HES1: variants seen among roughly 807,000 people sequenced by gnomAD.
HES1 encodes the protein transcription factor HES-1.
HES1 carries 7 observed loss-of-function variants against 21.0 expected under a neutral mutation model. That is an observed-to-expected ratio of 0.33 (90% CI 0.19 to 0.63). The LOEUF (loss-of-function observed/expected upper bound fraction) is 0.63. Ranked by LOEUF, HES1 falls within the 20% of genes least tolerant of loss-of-function variation. The pLI, the probability that HES1 is intolerant of heterozygous loss-of-function variation, is 0.78. For synonymous variants in HES1, 169 were observed against 171.2 expected, an observed-to-expected ratio of 0.99 and a Z score of 0.10; for missense variants, 338 against 389.8, an observed-to-expected ratio of 0.87 and a Z score of 1.12.
chr3:194,137,544 C>T lies in HES1; in HGVS notation c.293-139C>T, dbSNP rs1246693570. 8 of 876,782 alleles carry T rather than the reference C, an allele frequency of 9.1e-6. No individual in the cohort carries two copies. Among genetic ancestry groups the T allele is most frequent in the East Asian group, 8.5e-5 (3 of 35,362 alleles). 54.3% of individuals were successfully genotyped at this position (876,782 alleles called of 1,614,324 possible). A position where few individuals can be genotyped will look rare whatever the true frequency, so the allele number is the denominator to read the frequency against. On this transcript the variant is annotated intron_variant, in intron 3 of 3. Coordinates refer to ENST00000232424, the MANE Select transcript of HES1 (RefSeq NM_005524.4). This position sits in a 1 kb window ranked among gnomAD's most constrained non-coding sequence, Gnocchi z 5.4. ...GGAGAGGTGGCTGGTTTTTTCTAAA[C>T]CCATCTCACCCTCCCTGCCGGAGGC...
Position 194,137,240 on chromosome 3 carries a change from G to A in HES1, c.292+192G>A, listed in dbSNP as rs1167941513. 3.2e-6 allele frequency: 2 copies of A among 633,154 alleles called. No individual in the cohort carries two copies. Among genetic ancestry groups the A allele is most frequent in the Admixed American group, 5.5e-5 (2 of 36,390 alleles). 39.2% of individuals were successfully genotyped at this position (633,154 alleles called of 1,614,324 possible). On this transcript the variant is annotated intron_variant, in intron 3 of 3. Coordinates refer to ENST00000232424, the MANE Select transcript of HES1 (RefSeq NM_005524.4). The surrounding 1 kb of genome is among the most constrained non-coding windows in gnomAD (Gnocchi z 5.4). ...GTTGTTACTGTTCCGGAAAGGGAGG[G>A]AAAGAGGTTGCAGCCGCGAGGGTGG...
chr3:194,137,979 C>A lies in HES1; in HGVS notation c.589C>A (p.Pro197Thr). Residue 197 changes from proline (P) to threonine (T), a missense_variant, in exon 4 of 4, where the codon CCT (proline) becomes ACT (threonine). Coordinates refer to ENST00000232424, the MANE Select transcript of HES1 (RefSeq NM_005524.4). This position sits in a 1 kb window ranked among gnomAD's most constrained non-coding sequence, Gnocchi z 5.4. ...GCCCATCCCCGGGGGCGCGGCGCCCCCTCCCGGCGGCGCCCCCTGCAAGCT... is the reference window on the plus strand; with the variant it reads ...GCCCATCCCCGGGGGCGCGGCGCCCACTCCCGGCGGCGCCCCCTGCAAGCT... ...LVPIPGGAAP[P>T]PGGAPCKLGS... The A allele has an allele frequency of 7.1e-7, 1 of 1,409,870 alleles. No individual in the cohort carries two copies. The highest frequency in any genetic ancestry group is 1.8e-5 in the South Asian group (1 of 55,354). 87.3% of individuals were successfully genotyped at this position (1,409,870 alleles called of 1,614,324 possible).
chr3:194,137,187 TGGGG>T lies in HES1; in HGVS notation c.292+140_292+143del, dbSNP rs1715365269. 5 of 709,218 alleles carry T rather than the reference TGGGG, an allele frequency of 7.1e-6. No individual in the cohort carries two copies. Among genetic ancestry groups the T allele is most frequent in the Non-Finnish European group, 7.4e-6 (3 of 402,872 alleles). The allele number at this position is 709,218 out of a possible 1,614,324, so 43.9% of individuals were successfully genotyped here. ...GGCTCACTCTTGCGTTCCCACGGTCTGGGGCTTATTTATAGCCACAACTCCAAGT... is the reference window on the plus strand; with the variant it reads ...GGCTCACTCTTGCGTTCCCACGGTCTCTTATTTATAGCCACAACTCCAAGT... On this transcript the variant is annotated intron_variant, in intron 3 of 3. Coordinates refer to ENST00000232424, the MANE Select transcript of HES1 (RefSeq NM_005524.4). The surrounding 1 kb of genome is among the most constrained non-coding windows in gnomAD (Gnocchi z 5.4).
At position 194,137,149 on chromosome 3, in the gene HES1, AT is replaced by A. The variant is rs1161290321; in HGVS notation, c.292+105del. On this transcript the variant is annotated intron_variant, in intron 3 of 3. Transcript: ENST00000232424. The surrounding 1 kb of genome is among the most constrained non-coding windows in gnomAD (Gnocchi z 5.4). ...GTGGTTGTGAGAGGCATTCAGCTAC[AT>A]TTTACTGCCTTGGCTCACTCTTGCG... 2 of 958,304 alleles carry A rather than the reference AT, an allele frequency of 2.1e-6. No homozygotes were observed. 59.4% of individuals were successfully genotyped at this position (958,304 alleles called of 1,614,324 possible).
rs77484716 is a variant in HES1, at chr3:194,137,367, G to A, written c.293-316G>A. ...AGCACTCCTTCCCGTTGCAGAAGGG[G>A]AAATGAGGCTTGGATGATGGATTGG... is the stretch of plus-strand genomic sequence containing the variant. On this transcript the variant is annotated intron_variant, in intron 3 of 3. Coordinates refer to ENST00000232424, the MANE Select transcript of HES1 (RefSeq NM_005524.4). The surrounding 1 kb of genome is among the most constrained non-coding windows in gnomAD (Gnocchi z 5.4). 0.022 allele frequency: 12,559 copies of A among 571,532 alleles called. 519 individuals carry two copies. Among genetic ancestry groups the A allele is most frequent in the East Asian group, 0.16 (5,328 of 34,070 alleles). The allele number at this position is 571,532 out of a possible 1,614,324, so 35.4% of individuals were successfully genotyped here.
rs1402833055 is a variant in HES1 at position 194,138,311 on chromosome 3, A to C, written c.*78A>C. On this transcript the variant is annotated 3_prime_UTR_variant, in exon 4 of 4. Transcript: ENST00000232424. Reference sequence around the variant, plus strand: ...CCGGACTCTAAACAGGAACTTGAATACTGGGAGAGAAGAGGACTTTTTTGA... The same window carrying C: ...CCGGACTCTAAACAGGAACTTGAATCCTGGGAGAGAAGAGGACTTTTTTGA... 3.0e-6 allele frequency: 4 copies of C among 1,353,688 alleles called. No homozygotes were observed. The highest frequency in any genetic ancestry group is 1.7e-5 in the South Asian group (1 of 60,062). 83.9% of individuals were successfully genotyped at this position (1,353,688 alleles called of 1,614,324 possible).
In HES1 at chr3:194,137,164, C is replaced by A; in HGVS notation, c.292+116C>A. On this transcript the variant is annotated intron_variant, in intron 3 of 3. Transcript: ENST00000232424. This position sits in a 1 kb window ranked among gnomAD's most constrained non-coding sequence, Gnocchi z 5.4. The stretch of plus-strand genomic sequence containing the variant: ...ATTCAGCTACATTTTACTGCCTTGG[C>A]TCACTCTTGCGTTCCCACGGTCTGG... 1 of 833,250 alleles carries A rather than the reference C, an allele frequency of 1.2e-6. No homozygotes were observed. Among genetic ancestry groups the A allele is most frequent in the Non-Finnish European group, 2.0e-6 (1 of 492,366 alleles). 51.6% of individuals were successfully genotyped at this position (833,250 alleles called of 1,614,324 possible).
At position 194,137,522 on chromosome 3, in the gene HES1, G is replaced by A. The variant is rs369747562; in HGVS notation, c.293-161G>A. On this transcript the variant is annotated intron_variant, in intron 3 of 3. Coordinates refer to ENST00000232424, the MANE Select transcript of HES1 (RefSeq NM_005524.4). This position sits in a 1 kb window ranked among gnomAD's most constrained non-coding sequence, Gnocchi z 5.4. ...CTTTTGGCAGCAACGCTAGTGTGGA[G>A]AGGTGGCTGGTTTTTTCTAAACCCA... Among the ~76,000 whole-genome samples the A allele has an allele frequency of 2.3e-4, 35 of 152,302 alleles. 1 individual carries two copies. The highest frequency in any genetic ancestry group is 1.2e-3 in the East Asian group (6 of 5,180).
At chr3:194,136,899 C>T (rs767825545) in intron 2 of HES1, 62 bp from the exon 3 acceptor site, 1 of 1,510,502 alleles carries the variant, frequency 6.6e-7, no homozygotes, top group Non-Finnish European at 9.2e-7. Context: ...GGAGGAGGGA[C>T]CCCCAGCACT....
In HES1 at chr3:194,138,303, A is replaced by T; in HGVS notation, c.*70A>T. The T allele has an allele frequency of 7.3e-7, 1 of 1,379,232 alleles. No individual in the cohort carries two copies. The highest frequency in any genetic ancestry group is 9.5e-7 in the Non-Finnish European group (1 of 1,056,396). 85.4% of individuals were successfully genotyped at this position (1,379,232 alleles called of 1,614,324 possible). A position where few individuals can be genotyped will look rare whatever the true frequency, so the allele number is the denominator to read the frequency against. ...TCTTCCCTCCGGACTCTAAACAGGA[A>T]CTTGAATACTGGGAGAGAAGAGGAC... is the stretch of plus-strand genomic sequence containing the variant. On this transcript the variant is annotated 3_prime_UTR_variant, in exon 4 of 4. Coordinates refer to ENST00000232424, the MANE Select transcript of HES1 (RefSeq NM_005524.4).
Position 194,138,186 on chromosome 3 carries a change from G to A in HES1, c.796G>A (p.Gly266Ser). Residue 266 changes from glycine (G) to serine (S), a missense_variant, in exon 4 of 4, where the codon GGC becomes AGC. By Grantham distance (56) the Gly-to-Ser change is moderately conservative (BLOSUM62 0). Coordinates refer to ENST00000232424, the MANE Select transcript of HES1 (RefSeq NM_005524.4). ...CCCCAACGCAGTGTCACCTTCCAGC[G>A]GCCCCTCGCTTACGGCGGACTCCAT... ...VGPNAVSPSS[G>S]PSLTADSMWR... is the part of the protein sequence containing the mutation. 2 of 1,601,046 alleles carry A rather than the reference G, an allele frequency of 1.2e-6. No homozygotes were observed. The highest frequency in any genetic ancestry group is 1.7e-6 in the Non-Finnish European group (2 of 1,174,462).
chr3:194,137,419 C>G lies in HES1; in HGVS notation c.293-264C>G. ...AGGCATTGTCCAAGGTCACATCGCGCGCGGGGGTGGGGGTGACAGATCTGG... is the reference window on the plus strand; with the variant it reads ...AGGCATTGTCCAAGGTCACATCGCGGGCGGGGGTGGGGGTGACAGATCTGG... On this transcript the variant is annotated intron_variant, in intron 3 of 3. Transcript: ENST00000232424. The surrounding 1 kb of genome is among the most constrained non-coding windows in gnomAD (Gnocchi z 5.4). 2 of 554,520 alleles carry G rather than the reference C, an allele frequency of 3.6e-6. No individual in the cohort carries two copies. The highest frequency in any genetic ancestry group is 3.2e-5 in the Admixed American group (1 of 31,004). 34.3% of individuals were successfully genotyped at this position (554,520 alleles called of 1,614,324 possible).
chr3:194,136,279 T>C lies in HES1; in HGVS notation c.-102T>C, dbSNP rs1322689809. 4 of 703,340 alleles carry C rather than the reference T, an allele frequency of 5.7e-6. No homozygotes were observed. In the Admixed American group the frequency reaches 8.6e-5, roughly 15 times the overall value. 43.6% of individuals were successfully genotyped at this position (703,340 alleles called of 1,614,324 possible). A position where few individuals can be genotyped will look rare whatever the true frequency, so the allele number is the denominator to read the frequency against. On this transcript the variant is annotated 5_prime_UTR_variant, in exon 1 of 4. Coordinates refer to ENST00000232424, the MANE Select transcript of HES1 (RefSeq NM_005524.4). ...AACCCTCAGCACTTGCTCAGTAGTTTTGTGAAAGTCTCAAGTAAAAGAGAC... is the reference window on the plus strand; with the variant it reads ...AACCCTCAGCACTTGCTCAGTAGTTCTGTGAAAGTCTCAAGTAAAAGAGAC...
In HES1 at chr3:194,137,432, G is replaced by C. The variant is rs376058357; in HGVS notation, c.293-251G>C. On this transcript the variant is annotated intron_variant, in intron 3 of 3. Coordinates refer to ENST00000232424, the MANE Select transcript of HES1 (RefSeq NM_005524.4). The surrounding 1 kb of genome is among the most constrained non-coding windows in gnomAD (Gnocchi z 5.4). ...GGTCACATCGCGCGCGGGGGTGGGGGTGACAGATCTGGGGCTGAGATAGGT... is the reference window on the plus strand; with the variant it reads ...GGTCACATCGCGCGCGGGGGTGGGGCTGACAGATCTGGGGCTGAGATAGGT... 1.1e-3 allele frequency: 614 copies of C among 573,804 alleles called. 12 individuals are homozygous for C. The highest frequency in any genetic ancestry group is 9.6e-3 in the South Asian group (424 of 44,286). 35.5% of individuals were successfully genotyped at this position (573,804 alleles called of 1,614,324 possible).
chr3:194,136,498 G>C lies in HES1; in HGVS notation c.108+10G>C, dbSNP rs745968591. ...ATCTGAGCACAGAAAGGTAAGGGCGGTACCTGTATCTCTTTGCAGCCCCTC... is the reference window on the plus strand; with the variant it reads ...ATCTGAGCACAGAAAGGTAAGGGCGCTACCTGTATCTCTTTGCAGCCCCTC... On this transcript the variant is annotated intron_variant, in intron 1 of 3. Transcript: ENST00000232424. The C allele has an allele frequency of 4.4e-6, 7 of 1,592,516 alleles. No homozygotes were observed. Among genetic ancestry groups the C allele is most frequent in the Non-Finnish European group, 5.1e-6 (6 of 1,167,176 alleles).
rs1715331332 is a variant in HES1 at position 194,136,227 on chromosome 3, A to G, written c.-154A>G. ...CCTTGGTCCTGGAACAGCGCTACTG[A>G]TCACCAAGTAGCCACAAAATATAAT... is the stretch of plus-strand genomic sequence containing the variant. On this transcript the variant is annotated 5_prime_UTR_variant, in exon 1 of 4. Transcript: ENST00000232424. 1.6e-6 allele frequency: 1 copy of G among 607,970 alleles called. No homozygotes were observed. Among genetic ancestry groups the G allele is most frequent in the Non-Finnish European group, 2.9e-6 (1 of 339,056 alleles). 37.7% of individuals were successfully genotyped at this position (607,970 alleles called of 1,614,324 possible).
In HES1 at chr3:194,137,555, C is replaced by T; in HGVS notation, c.293-128C>T. ...TGGTTTTTTCTAAACCCATCTCACC[C>T]TCCCTGCCGGAGGCAGTTTCACGGG... is the stretch of plus-strand genomic sequence containing the variant. On this transcript the variant is annotated intron_variant, in intron 3 of 3. Transcript: ENST00000232424. The surrounding 1 kb of genome is among the most constrained non-coding windows in gnomAD (Gnocchi z 5.4). 1.0e-6 allele frequency: 1 copy of T among 995,146 alleles called. No individual in the cohort carries two copies. The highest frequency in any genetic ancestry group is 1.4e-6 in the Non-Finnish European group (1 of 706,178). 61.6% of individuals were successfully genotyped at this position (995,146 alleles called of 1,614,324 possible). A position where few individuals can be genotyped will look rare whatever the true frequency, so the allele number is the denominator to read the frequency against.
chr3:194,136,311 A>T lies in HES1; in HGVS notation c.-70A>T. ...AGTCTCAAGTAAAAGAGACACAAACAAAAAATTCTTTTTCGTGAAGAACTC... is the reference window on the plus strand; with the variant it reads ...AGTCTCAAGTAAAAGAGACACAAACTAAAAATTCTTTTTCGTGAAGAACTC... On this transcript the variant is annotated 5_prime_UTR_variant, in exon 1 of 4. Transcript: ENST00000232424. The T allele has an allele frequency of 1.0e-6, 1 of 952,382 alleles. No individual in the cohort carries two copies. The highest frequency in any genetic ancestry group is 1.7e-5 in the African/African-American group (1 of 59,702). The allele number at this position is 952,382 out of a possible 1,614,324, so 59.0% of individuals were successfully genotyped here.
In HES1 at chr3:194,137,133, A is replaced by T; in HGVS notation, c.292+85A>T. The T allele has an allele frequency of 8.7e-7, 1 of 1,143,388 alleles. No homozygotes were observed. Among genetic ancestry groups the T allele is most frequent in the Non-Finnish European group, 1.3e-6 (1 of 756,120 alleles). 70.8% of individuals were successfully genotyped at this position (1,143,388 alleles called of 1,614,324 possible). On this transcript the variant is annotated intron_variant, in intron 3 of 3. Coordinates refer to ENST00000232424, the MANE Select transcript of HES1 (RefSeq NM_005524.4). This position sits in a 1 kb window ranked among gnomAD's most constrained non-coding sequence, Gnocchi z 5.4. The stretch of plus-strand genomic sequence containing the variant: ...TTCCAGACTTCCGCCCGTGGTTGTG[A>T]GAGGCATTCAGCTACATTTTACTGC...
Sources: gnomAD v4.1 joint callset for allele counts (sites outside exome capture counted in the v4.1 genomes callset) on GRCh38, gnomAD v4.1.1 for gene constraint, Gnocchi (gnomAD v3.1) non-coding constraint, MANE v1.5 for transcripts, NCBI Gene and HGNC (gene_info 2026-07-23, HGNC 2026-07-21) for gene names.